The following NEXMIF variants were observed in gnomAD, a reference collection of about 807,000 sequenced individuals.
The protein encoded by NEXMIF is neurite extension and migration factor, also known as XLMR protein related to neurite extension.
A neutral mutation model predicts 62.1 loss-of-function variants in NEXMIF; 8 were observed. That is an observed-to-expected ratio of 0.13 (90% CI 0.08 to 0.23). The LOEUF is 0.23. Among genes scored for constraint, NEXMIF ranks in the 10% least tolerant of loss-of-function variants. The pLI is 1.00. For missense variants in NEXMIF, 976 were observed against 1,113.3 expected (o/e 0.88, Z 1.75); for synonymous variants, 404 against 416.6 (o/e 0.97, Z 0.37).
chrX:74,748,177 T>C (rs1279030541), intron 1 of NEXMIF, among the ~76,000 whole-genome samples: 2 of 112,035 alleles, frequency 1.8e-5, no homozygotes, highest in African/African-American at 3.2e-5. Flanking sequence ...AATTACCTCA[T>C]AAGTTTGGTT....
intron 1 of NEXMIF, among the ~76,000 whole-genome samples, chrX:74,764,483 A>C (rs2080188662): frequency 1.8e-5 from 2 of 112,036 alleles, no homozygotes; most frequent in Admixed American, 1.9e-4. Context: ...CTGGCCTCAT[A>C]AAATGAGTTA....
At chrX:74,867,982 T>C (rs1270589852) in intron 1 of NEXMIF, among the ~76,000 whole-genome samples, 1 of 111,758 alleles carries the variant, frequency 8.9e-6, no homozygotes, top group Non-Finnish European at 1.9e-5. Flanking sequence ...ACATGGACAC[T>C]TCTTAAAAGA....
intron 1 of NEXMIF, among the ~76,000 whole-genome samples, chrX:74,859,543 T>C (rs1490946554): frequency 9.0e-6 from 1 of 111,323 alleles, no homozygotes; most frequent in African/African-American, 3.3e-5. Context: ...AGGACATTAA[T>C]GAGCAATAAA....
intron 1 of NEXMIF, among the ~76,000 whole-genome samples, chrX:74,913,350 T>C (rs1046858353): frequency 8.9e-6 from 1 of 111,804 alleles, no homozygotes; most frequent in Non-Finnish European, 1.9e-5. Context: ...AGAAACTATC[T>C]AGTCTGAACA....
At chrX:74,902,510 G>C (rs998662319) in intron 1 of NEXMIF, among the ~76,000 whole-genome samples, 3 of 110,817 alleles carry the variant, frequency 2.7e-5, no homozygotes, top group Admixed American at 9.6e-5. Context: ...GATTGGGGAG[G>C]GTACAAAAAG....
intron 1 of NEXMIF, among the ~76,000 whole-genome samples, chrX:74,862,779 T>C (rs2080562648): frequency 9.0e-6 from 1 of 111,659 alleles, no homozygotes; most frequent in Non-Finnish European, 1.9e-5. Flanking sequence ...AAAAAGTTCT[T>C]TGAAACCAAC....
At chrX:74,794,850 G>A (rs1008502070) in intron 1 of NEXMIF, among the ~76,000 whole-genome samples, 11 of 111,623 alleles carry the variant, frequency 9.9e-5, no homozygotes, top group African/African-American at 2.3e-4. Context: ...CACAGTGCGC[G>A]CACCCACTGA....
At chrX:74,800,438 G>A (rs1439044942) in intron 1 of NEXMIF, among the ~76,000 whole-genome samples, 3 of 109,973 alleles carry the variant, frequency 2.7e-5, no homozygotes, top group South Asian at 3.9e-4. Context: ...TAAAAATTAC[G>A]CATAGTAAAA....
At chrX:74,757,945 G>A (rs1416891546) in intron 1 of NEXMIF, among the ~76,000 whole-genome samples, 1 of 111,861 alleles carries the variant, frequency 8.9e-6, no homozygotes, top group Non-Finnish European at 1.9e-5. Context: ...TTTTAATCCA[G>A]TGCAGCATGT....
At chrX:74,778,250 C>T (rs2080234590) in intron 1 of NEXMIF, among the ~76,000 whole-genome samples, 2 of 111,756 alleles carry the variant, frequency 1.8e-5, no homozygotes, top group Admixed American at 1.9e-4. Flanking sequence ...TATAAATATT[C>T]ATAGATTTTT....
chrX:74,887,954 T>C (rs1295162837), intron 1 of NEXMIF, among the ~76,000 whole-genome samples: 2 of 112,034 alleles, frequency 1.8e-5, no homozygotes, highest in Admixed American at 9.5e-5. Flanking sequence ...CACCATGGAA[T>C]ACTATGCAGC....
At position 74,925,185 on chromosome X, in the gene NEXMIF, C is replaced by A. The variant is rs1351049739; in HGVS notation, c.-350G>T. ...CTGAAACTCAGAGCCTCCGCGGCTG[C>A]CCGGCTGCTCCAAGGGTCCGTGCTT... On this transcript the variant is annotated 5_prime_UTR_variant, in exon 1 of 4. Coordinates refer to ENST00000055682, the MANE Select transcript of NEXMIF (RefSeq NM_001008537.3). The A allele has an allele frequency of 8.6e-6, 1 of 115,992 alleles. No homozygotes were observed. The highest frequency in any genetic ancestry group is 1.8e-5 in the Non-Finnish European group (1 of 55,113). The allele number at this position is 115,992 out of a possible 1,213,427, so 9.6% of individuals were successfully genotyped here.
chrX:74,764,084 G>T (rs1026774668), intron 1 of NEXMIF, among the ~76,000 whole-genome samples: 1 of 111,571 alleles, frequency 9.0e-6, no homozygotes, highest in Non-Finnish European at 1.9e-5. Context: ...TGCCCATTCA[G>T]TATGATATTG....
chrX:74,789,127 TC>T (rs1325759599), intron 1 of NEXMIF, among the ~76,000 whole-genome samples: 4 of 47,327 alleles, frequency 8.5e-5, no homozygotes, highest in Non-Finnish European at 1.5e-4. Context: ...TCCCTCCCCC[TC>T]CCCCCACCCC....
intron 1 of NEXMIF, among the ~76,000 whole-genome samples, chrX:74,764,430 T>C (rs2080188382): frequency 9.0e-6 from 1 of 111,702 alleles, no homozygotes; most frequent in Non-Finnish European, 1.9e-5. Flanking sequence ...TAAAATACTC[T>C]TTTTTTGTTG....
intron 1 of NEXMIF, among the ~76,000 whole-genome samples, chrX:74,773,902 C>G (rs990548503): frequency 1.7e-5 from 1 of 58,891 alleles, no homozygotes; most frequent in Non-Finnish European, 2.9e-5. Flanking sequence ...GAGTAAGACT[C>G]CGTCTCAAAA....
At chrX:74,922,881 G>T (rs188842166) in intron 1 of NEXMIF, among the ~76,000 whole-genome samples, 2 of 111,536 alleles carry the variant, frequency 1.8e-5, no homozygotes, top group African/African-American at 3.3e-5. Context: ...GTTTATGTCT[G>T]GGGGGGCCAG....
At chrX:74,750,508 A>T (rs2080138761) in intron 1 of NEXMIF, among the ~76,000 whole-genome samples, 1 of 111,973 alleles carries the variant, frequency 8.9e-6, no homozygotes, top group African/African-American at 3.2e-5. Context: ...GGGAATCTTC[A>T]GGTTGGGTTA....
intron 1 of NEXMIF, among the ~76,000 whole-genome samples, chrX:74,800,767 TTTA>T (rs1419452713): frequency 9.0e-6 from 1 of 111,386 alleles, no homozygotes; most frequent in African/African-American, 3.3e-5. Context: ...CTAAATTTTA[TTTA>T]TTTAGCAATT....
Sources: gnomAD v4.1 joint callset for allele counts (sites outside exome capture counted in the v4.1 genomes callset) on GRCh38, gnomAD v4.1.1 for gene constraint, MANE v1.5 for transcripts, NCBI Gene and HGNC (gene_info 2026-07-23, HGNC 2026-07-21) for gene names.